The following TJP1 variants were observed in gnomAD, a reference collection of about 807,000 sequenced individuals.
TJP1 encodes the protein tight junction protein ZO-1.
Under a neutral mutation model 194.2 loss-of-function variants are expected in TJP1, and 43 were observed. The observed-to-expected ratio is 0.22, with a 90% CI of 0.17 to 0.29. TJP1 has a LOEUF of 0.29. Ranked by LOEUF, TJP1 falls within the 10% of genes least tolerant of loss-of-function variation. TJP1 has a pLI of 1.00. For synonymous variants in TJP1, 801 were observed against 779.0 expected, an observed-to-expected ratio of 1.03 and a Z score of -0.47; for missense variants, 1,971 against 2,185.7, an observed-to-expected ratio of 0.90 and a Z score of 1.96.
At chr15:29,871,025 C>T (rs1326114766) in intron 2 of TJP1, among the ~76,000 whole-genome samples, 1 of 152,202 alleles carries the variant, frequency 6.6e-6, no homozygotes, top group East Asian at 1.9e-4. Context: ...TCAACGCTAG[C>T]TGGAGAGCAG....
chr15:29,885,629 A>C (rs1255707423), intron 2 of TJP1, among the ~76,000 whole-genome samples: 1 of 152,248 alleles, frequency 6.6e-6, no homozygotes, highest in Non-Finnish European at 1.5e-5. Flanking sequence ...TGGATCAGTA[A>C]ATTTTAAAAA....
intron 2 of TJP1, among the ~76,000 whole-genome samples, chr15:29,885,988 T>C (rs115925185): frequency 6.6e-6 from 1 of 152,094 alleles, no homozygotes; most frequent in African/African-American, 2.4e-5. Flanking sequence ...AGCAAAAGCA[T>C]TAGGGTTTTT....
At chr15:29,784,420 C>A (rs1434391693) in intron 2 of TJP1, among the ~76,000 whole-genome samples, 1 of 152,088 alleles carries the variant, frequency 6.6e-6, no homozygotes, top group South Asian at 2.1e-4. Context: ...CTGCCTCAGC[C>A]TCCCAAGTAG....
chr15:29,966,717 T>A (rs545902551), intron 1 of TJP1, among the ~76,000 whole-genome samples: 1 of 152,254 alleles, frequency 6.6e-6, no homozygotes, highest in African/African-American at 2.4e-5. Flanking sequence ...TCATGCAACT[T>A]ACATTTTAGT....
chr15:29,790,614 C>T (rs951453979), intron 2 of TJP1, among the ~76,000 whole-genome samples: 24 of 152,114 alleles, frequency 1.6e-4, no homozygotes, highest in Non-Finnish European at 3.1e-4. Flanking sequence ...CCCTATTGTG[C>T]TACTAAACAC....
At chr15:29,854,894 G>A (rs993540463) in intron 2 of TJP1, among the ~76,000 whole-genome samples, 2 of 151,582 alleles carry the variant, frequency 1.3e-5, no homozygotes, top group African/African-American at 4.8e-5. Flanking sequence ...CTATCATTGA[G>A]GAGGGGAAAA....
Position 29,822,396 on chromosome 15 carries a change from T to G in TJP1, c.-368A>C. 7.0e-6 allele frequency: 7 copies of G among 998,434 alleles called. No homozygotes were observed. The highest frequency in any genetic ancestry group is 4.7e-5 in the South Asian group (1 of 21,400). The allele number at this position is 998,434 out of a possible 1,614,324, so 61.8% of individuals were successfully genotyped here. A position where few individuals can be genotyped will look rare whatever the true frequency, so the allele number is the denominator to read the frequency against. ...TCGGAAGCCGGCTTCGCCACGTAAC[T>G]TCCCGGGAACCGGCGGCCGCCAAGG... On this transcript the variant is annotated 5_prime_UTR_variant, in exon 1 of 28. Coordinates refer to ENST00000614355, the MANE Select transcript of TJP1 (RefSeq NM_001330239.4).
chr15:29,708,788 G>A lies in TJP1; in HGVS notation c.4621C>T (p.Arg1541Cys), dbSNP rs1391332490. 14 of 1,614,182 alleles carry A rather than the reference G, an allele frequency of 8.7e-6. No individual in the cohort carries two copies. Among genetic ancestry groups the A allele is most frequent in the South Asian group, 2.2e-5 (2 of 91,084 alleles). ...TTGAATTTAGGACTTTCAAACTTGC[G>A]TTCAAATGGTCGGGCAGAACTTGTA... is the stretch of plus-strand genomic sequence containing the variant. Reference protein sequence around the residue: ...PYTSSARPFERKFESPKFNHN... With the variant: ...PYTSSARPFECKFESPKFNHN... The change falls in exon 25 of 28, where the codon CGC becomes TGC. Residue 1541 changes from arginine to cysteine, a missense_variant. By Grantham distance (180) the Arg-to-Cys change is radical. Coordinates refer to ENST00000614355, the MANE Select transcript of TJP1 (RefSeq NM_001330239.4).
intron 2 of TJP1, among the ~76,000 whole-genome samples, chr15:29,923,215 T>C (rs1011478127): frequency 4.6e-5 from 7 of 152,204 alleles, no homozygotes; most frequent in African/African-American, 9.6e-5. Context: ...GATCTATCTA[T>C]TGAAGCAGTT....
intron 1 of TJP1, among the ~76,000 whole-genome samples, chr15:29,959,282 G>A (rs2056070494): frequency 6.6e-6 from 1 of 151,598 alleles, no homozygotes; most frequent in Admixed American, 6.6e-5. Flanking sequence ...GAGCTACCAC[G>A]CCTGGCCTGT....
chr15:29,738,597 T>A (rs1322230055), intron 10 of TJP1, among the ~76,000 whole-genome samples: 4 of 152,104 alleles, frequency 2.6e-5, no homozygotes, highest in Non-Finnish European at 4.4e-5. Flanking sequence ...ATGAAACTAT[T>A]TACCAGCTTT....
chr15:29,916,577 T>A (rs914010609), intron 2 of TJP1, among the ~76,000 whole-genome samples: 3 of 152,170 alleles, frequency 2.0e-5, no homozygotes, highest in Non-Finnish European at 4.4e-5. Flanking sequence ...CTTCATGAAT[T>A]TTAAAGCCCT....
chr15:29,826,117 A>T (rs2050666708), upstream of TJP1, among the ~76,000 whole-genome samples: 4 of 151,416 alleles, frequency 2.6e-5, no homozygotes, highest in Non-Finnish European at 5.9e-5. Flanking sequence ...ATACAAAAAG[A>T]AAGCTATTAC....
chr15:29,722,237 C>A (rs772653507), intron 18 of TJP1, among the ~76,000 whole-genome samples: 8 of 152,186 alleles, frequency 5.3e-5, no homozygotes, highest in Non-Finnish European at 8.8e-5. Context: ...TATGCGGCAG[C>A]CCCTCCCATC....
intron 2 of TJP1, among the ~76,000 whole-genome samples, chr15:29,911,601 C>G (rs1596241998): frequency 6.6e-6 from 1 of 152,170 alleles, no homozygotes; most frequent in Non-Finnish European, 1.5e-5. Context: ...GTGCTACACA[C>G]TTTTAAACAA....
chr15:29,839,824 T>C (rs1020357706), intron 2 of TJP1, among the ~76,000 whole-genome samples: 3 of 152,194 alleles, frequency 2.0e-5, no homozygotes, highest in African/African-American at 7.2e-5. Context: ...ACTACCAAAT[T>C]GTTTTCCAGT....
At chr15:29,728,150 C>G in intron 15 of TJP1, 131 bp from the exon 16 acceptor site, 1 of 632,648 alleles carries the variant, frequency 1.6e-6, no homozygotes. Flanking sequence ...CTTATGCATG[C>G]AGTACTTAAA....
At chr15:29,756,259 A>G (rs2045637376) in intron 8 of TJP1, among the ~76,000 whole-genome samples, 1 of 152,194 alleles carries the variant, frequency 6.6e-6, no homozygotes, top group African/African-American at 2.4e-5. Context: ...CTGCAACAAT[A>G]CTAAGTGAAA....
chr15:29,956,423 G>C, intron 1 of TJP1: 1 of 1,245,124 alleles, frequency 8.0e-7, no homozygotes, highest in Non-Finnish European at 1.0e-6. Context: ...CATTTCTCAA[G>C]TTTGAGGTAA....
Sources: gnomAD v4.1 joint callset for allele counts (sites outside exome capture counted in the v4.1 genomes callset) on GRCh38, gnomAD v4.1.1 for gene constraint, MANE v1.5 for transcripts, NCBI Gene and HGNC (gene_info 2026-07-23, HGNC 2026-07-21) for gene names.